NTM: variants seen among roughly 807,000 people sequenced by gnomAD.
NTM encodes the protein IgLON family member 2.
Under a neutral mutation model 42.1 loss-of-function variants are expected in NTM, and 13 were observed. The observed-to-expected ratio is 0.31, with a 90% CI of 0.20 to 0.49. NTM has a LOEUF of 0.49. Among genes scored for constraint, NTM ranks in the 20% least tolerant of loss-of-function variants. The probability of loss-of-function intolerance (pLI) is 0.99; values close to 1 mark genes in which losing one functional copy is unlikely to be tolerated. For missense variants in NTM, 373 were observed against 452.8 expected, an observed-to-expected ratio of 0.82 and a Z score of 1.60; for synonymous variants, 187 against 179.2, an observed-to-expected ratio of 1.04 and a Z score of -0.35.
chr11:132,204,924 T>C (rs904753356), intron 3 of NTM, among the ~76,000 whole-genome samples: 1 of 152,152 alleles, frequency 6.6e-6, no homozygotes, highest in African/African-American at 2.4e-5. Context: ...ACCTGCTTGG[T>C]TGCATCTTTC....
At position 132,150,677 on chromosome 11, in the gene NTM, C is replaced by T. The variant is rs2071697140; in HGVS notation, c.400+4163C>T. Among the ~76,000 whole-genome samples, 5 of 152,040 alleles carry T rather than the reference C, an allele frequency of 3.3e-5. No individual in the cohort carries two copies. The South Asian group carries it at 1.0e-3, about 32-fold the overall frequency. On this transcript the variant is annotated intron_variant, in intron 3 of 8. Coordinates refer to ENST00000683400, the MANE Select transcript of NTM (RefSeq NM_001352005.2). ...TTTAAAAAGATGGAGTAATGGAGTT[C>T]CTAGGTTAGCTTAGACAGAGAAGAG...
chr11:131,789,955 CAAAAA>C (rs36050979), intron 1 of NTM, among the ~76,000 whole-genome samples: 4 of 20,312 alleles, frequency 2.0e-4, no homozygotes, highest in African/African-American at 4.6e-4. Context: ...GACTCCGTCT[CAAAAA>C]AAAAAAAAAA....
At chr11:131,661,531 CA>C (rs2068067920) in intron 1 of NTM, among the ~76,000 whole-genome samples, 1 of 152,134 alleles carries the variant, frequency 6.6e-6, no homozygotes, top group South Asian at 2.1e-4. Flanking sequence ...CAACTACTGT[CA>C]ATGTATTTTT....
At chr11:132,225,562 T>C (rs1298027641) in intron 4 of NTM, among the ~76,000 whole-genome samples, 1 of 152,158 alleles carries the variant, frequency 6.6e-6, no homozygotes, top group South Asian at 2.1e-4. Flanking sequence ...TGTAGGATGC[T>C]GTGATGAGAG....
chr11:132,001,800 A>ACG (rs397762832), intron 2 of NTM, among the ~76,000 whole-genome samples: 1 of 151,920 alleles, frequency 6.6e-6, no homozygotes, highest in East Asian at 1.9e-4. Context: ...ACACACACAC[A>ACG]TACACACAAT....
intron 2 of NTM, among the ~76,000 whole-genome samples, chr11:132,133,581 C>A (rs2067217356): frequency 6.6e-6 from 1 of 152,096 alleles, no homozygotes; most frequent in African/African-American, 2.4e-5. Flanking sequence ...CCCGGGGGAC[C>A]TAAAGAATGG....
At chr11:131,532,104 C>T (rs2051363715) in intron 1 of NTM, among the ~76,000 whole-genome samples, 1 of 152,152 alleles carries the variant, frequency 6.6e-6, no homozygotes, top group Non-Finnish European at 1.5e-5. Context: ...CCACTTTAAC[C>T]ATTTTAAACG....
intron 4 of NTM, among the ~76,000 whole-genome samples, chr11:132,270,656 T>TA (rs1172506445): frequency 7.3e-5 from 11 of 151,234 alleles, no homozygotes; most frequent in Admixed American, 3.3e-4. Flanking sequence ...TATTTTTATT[T>TA]TTTTTTTTAC....
intron 1 of NTM, among the ~76,000 whole-genome samples, chr11:131,400,165 T>C (rs1177454659): frequency 3.3e-5 from 5 of 151,938 alleles, no homozygotes; most frequent in Admixed American, 6.6e-5. Context: ...GCTGAGAACA[T>C]TGGAGGATGA....
intron 1 of NTM, among the ~76,000 whole-genome samples, chr11:131,408,142 G>A (rs1946007069): frequency 6.6e-6 from 1 of 152,168 alleles, no homozygotes; most frequent in African/African-American, 2.4e-5. Flanking sequence ...TTAATCACTG[G>A]GTCACTCAGT....
At chr11:131,411,531 A>AG (rs1222907853) in intron 1 of NTM, among the ~76,000 whole-genome samples, 1 of 142,498 alleles carries the variant, frequency 7.0e-6, no homozygotes, top group South Asian at 2.4e-4. Flanking sequence ...TGAAGTATTT[A>AG]GGGGGGGCCG....
At position 131,884,700 on chromosome 11, in the gene NTM, A is replaced by C. The variant is rs547023411; in HGVS notation, c.83-26864A>C. ...CACACAGTGATCGGAAATCATGGAAAGGGGGCCATTCGGGAAGAGGCTCGC... is the reference window on the plus strand; with the variant it reads ...CACACAGTGATCGGAAATCATGGAACGGGGGCCATTCGGGAAGAGGCTCGC... On this transcript the variant is annotated intron_variant, in intron 1 of 8. Coordinates refer to ENST00000683400, the MANE Select transcript of NTM (RefSeq NM_001352005.2). 2.0e-5 allele frequency among the ~76,000 whole-genome samples: 3 copies of C among 152,262 alleles called. No individual in the cohort carries two copies. The East Asian group carries it at 5.8e-4, about 29-fold the overall frequency.
At chr11:131,419,155 AAAAC>A (rs71475754) in intron 1 of NTM, among the ~76,000 whole-genome samples, 102,996 of 150,872 alleles carry the variant, frequency 0.68, 35,437 homozygotes, top group East Asian at 0.9. Flanking sequence ...ACCTTGGTTA[AAAAC>A]AAACAAACAA....
At chr11:132,222,765 C>T (rs568658870) in intron 4 of NTM, among the ~76,000 whole-genome samples, 46 of 152,308 alleles carry the variant, frequency 3.0e-4, no homozygotes, top group African/African-American at 8.7e-4. Flanking sequence ...TCACCCCCCA[C>T]GCACCCCACC....
rs534950795 is a variant in NTM at position 131,507,396 on chromosome 11, G to A, written c.82+136508G>A. On this transcript the variant is annotated intron_variant, in intron 1 of 8. Transcript: ENST00000683400. ...ATGCGGCGTTATTTCTGAGGGCTCT[G>A]TTCTGTTCCATTGATCTATATCTCT... is the stretch of plus-strand genomic sequence containing the variant. Among the ~76,000 whole-genome samples the A allele has an allele frequency of 1.0e-3, 152 of 151,274 alleles. 1 individual carries two copies. The highest frequency in any genetic ancestry group is 3.4e-3 in the African/African-American group (140 of 41,184).
intron 1 of NTM, among the ~76,000 whole-genome samples, chr11:131,841,849 T>G (rs1409506109): frequency 1.3e-5 from 2 of 152,034 alleles, no homozygotes; most frequent in Non-Finnish European, 2.9e-5. Context: ...GCCTGGGGAC[T>G]GAAAGAGCGT....
intron 1 of NTM, among the ~76,000 whole-genome samples, chr11:131,721,302 G>T (rs895426599): frequency 2.6e-5 from 4 of 151,996 alleles, no homozygotes. Context: ...CAATTGCTTT[G>T]GTGTCAAGAA....
At chr11:132,004,624 T>G (rs1466646008) in intron 2 of NTM, among the ~76,000 whole-genome samples, 1 of 146,358 alleles carries the variant, frequency 6.8e-6, no homozygotes, top group African/African-American at 2.7e-5. Flanking sequence ...TCTCTCTCTC[T>G]CTCTCTCTCT....
At chr11:131,922,026 C>T (rs773727590) in intron 2 of NTM, 1 of 152,612 alleles carries the variant, frequency 6.6e-6, no homozygotes. Context: ...TTTTACATCT[C>T]CAGTCTCTGC....
Sources: allele counts gnomAD v4.1 joint callset (sites outside exome capture counted in the v4.1 genomes callset), GRCh38; gene constraint gnomAD v4.1.1; transcripts MANE v1.5; gene names NCBI Gene and HGNC (gene_info 2026-07-23, HGNC 2026-07-21).